FHIP1A: variants seen among roughly 807,000 people sequenced by gnomAD.
FHIP1A encodes FHF complex subunit HOOK interacting protein 1A.
In FHIP1A, 61 loss-of-function variants were observed where a neutral mutation model predicts 88.6. The observed-to-expected ratio is 0.69, with a 90% CI of 0.56 to 0.85. FHIP1A has a LOEUF of 0.85. Among genes scored for constraint, FHIP1A ranks in the 40% least tolerant of loss-of-function variants. The probability of loss-of-function intolerance (pLI) is 0.00; values close to 1 mark genes in which losing one functional copy is unlikely to be tolerated. For synonymous variants in FHIP1A, 478 were observed against 496.0 expected (o/e 0.96, Z 0.48); for missense variants, 1,154 against 1,273.5 (o/e 0.91, Z 1.43).
chr4:151,460,456 A>C (rs1261821040), intron 2 of FHIP1A, among the ~76,000 whole-genome samples: 4 of 152,062 alleles, frequency 2.6e-5, no homozygotes, highest in African/African-American at 9.7e-5. Context: ...CCTTTTCCTG[A>C]GTCTTAATTT....
intron 3 of FHIP1A, among the ~76,000 whole-genome samples, chr4:151,550,658 TAAAAA>T (rs1274537875): frequency 6.6e-6 from 1 of 152,272 alleles, no homozygotes; most frequent in Non-Finnish European, 1.5e-5. Context: ...TTTCTGAATT[TAAAAA>T]ACTAATATTT....
intron 3 of FHIP1A, among the ~76,000 whole-genome samples, chr4:151,518,444 A>T (rs1019795580): frequency 6.6e-6 from 1 of 152,168 alleles, no homozygotes; most frequent in Non-Finnish European, 1.5e-5. Context: ...ACAACATATG[A>T]CTATATGTTT....
chr4:151,518,494 A>G (rs973260525), intron 3 of FHIP1A, among the ~76,000 whole-genome samples: 1 of 152,192 alleles, frequency 6.6e-6, no homozygotes, highest in East Asian at 1.9e-4. Context: ...TTCTCATACT[A>G]TGGTTTTCAA....
intron 4 of FHIP1A, among the ~76,000 whole-genome samples, chr4:151,574,911 A>T (rs1232711681): frequency 6.6e-6 from 1 of 150,640 alleles, no homozygotes; most frequent in Non-Finnish European, 1.5e-5. Context: ...AGTCAATAGT[A>T]TTTTTTTTTT....
intron 1 of FHIP1A, among the ~76,000 whole-genome samples, chr4:151,415,936 A>C (rs1401739152): frequency 5.4e-5 from 8 of 148,032 alleles, no homozygotes; most frequent in Non-Finnish European, 1.0e-4. Flanking sequence ...GCTTTTATGG[A>C]GCATAGTGTT....
intron 2 of FHIP1A, among the ~76,000 whole-genome samples, chr4:151,460,911 A>G (rs141485079): frequency 6.6e-6 from 1 of 152,304 alleles, no homozygotes; most frequent in East Asian, 1.9e-4. Flanking sequence ...TAGGGCTTAA[A>G]TTGTGTGGTT....
chr4:151,526,496 C>G (rs1237982488), intron 3 of FHIP1A, among the ~76,000 whole-genome samples: 6 of 146,036 alleles, frequency 4.1e-5, no homozygotes, highest in Non-Finnish European at 7.5e-5. Flanking sequence ...CTGACCCCCC[C>G]ACCTCCCTCC....
chr4:151,415,869 T>C (rs774362502), intron 1 of FHIP1A, among the ~76,000 whole-genome samples: 4 of 152,160 alleles, frequency 2.6e-5, no homozygotes, highest in Non-Finnish European at 5.9e-5. Context: ...CAAGAGAAGA[T>C]AGTAATTGGT....
At chr4:151,474,672 C>T (rs541463049) in intron 2 of FHIP1A, among the ~76,000 whole-genome samples, 2 of 152,204 alleles carry the variant, frequency 1.3e-5, no homozygotes, top group African/African-American at 4.8e-5. Flanking sequence ...ATGGTACTTT[C>T]AGTATGTGTG....
chr4:151,495,870 G>A (rs750937694), intron 3 of FHIP1A, among the ~76,000 whole-genome samples: 2 of 151,946 alleles, frequency 1.3e-5, no homozygotes, highest in South Asian at 2.1e-4. Flanking sequence ...TGATCCTCCC[G>A]CATTGGCCAC....
At chr4:151,513,064 T>G (rs1258404110) in intron 3 of FHIP1A, among the ~76,000 whole-genome samples, 1 of 152,138 alleles carries the variant, frequency 6.6e-6, no homozygotes, top group Non-Finnish European at 1.5e-5. Context: ...AAGGTCAGGT[T>G]ACCCTCAAAG....
At chr4:151,582,214 C>G (rs1049377631) in intron 5 of FHIP1A, among the ~76,000 whole-genome samples, 5 of 152,000 alleles carry the variant, frequency 3.3e-5, no homozygotes, top group Non-Finnish European at 7.4e-5. Flanking sequence ...TCAAATAGTC[C>G]CTACCAGGTG....
chr4:151,622,685 CA>C lies in FHIP1A; in HGVS notation c.979-7015del, dbSNP rs545050535. On this transcript the variant is annotated intron_variant, in intron 7 of 13. Transcript: ENST00000435205. The stretch of plus-strand genomic sequence containing the variant: ...TTTTTATTGTTTCTTAAATTGTAAC[CA>C]AGAAGTTTGAATCAAAAAAGGACTC... Among the ~76,000 whole-genome samples, 31 of 152,056 alleles carry C rather than the reference CA, an allele frequency of 2.0e-4. No individual in the cohort carries two copies. The South Asian group carries it at 6.5e-3, about 32-fold the overall frequency.
chr4:151,419,695 G>T lies in FHIP1A; in HGVS notation c.-356+10230G>T, dbSNP rs1239891141. Among the ~76,000 whole-genome samples the T allele has an allele frequency of 2.6e-4, 6 of 22,902 alleles. 1 individual carries two copies. The highest frequency in any genetic ancestry group is 1.2e-3 in the African/African-American group (6 of 5,124). 15.0% of individuals were successfully genotyped at this position (22,902 alleles called of 152,430 possible). Reference sequence around the variant, plus strand: ...ATGCTGGTGCGCTGCACCCACTAATGTGTCATCTAGCATTAGGTATATCTC... The same window carrying T: ...ATGCTGGTGCGCTGCACCCACTAATTTGTCATCTAGCATTAGGTATATCTC... On this transcript the variant is annotated intron_variant, in intron 1 of 13. Transcript: ENST00000435205.
chr4:151,638,350 T>TGAGA (rs1209841696), intron 8 of FHIP1A, among the ~76,000 whole-genome samples: 2 of 150,084 alleles, frequency 1.3e-5, no homozygotes, highest in African/African-American at 4.9e-5. Context: ...TGTGTGTATG[T>TGAGA]GAGAGAGAGA....
At chr4:151,554,329 A>G (rs1460401683) in intron 3 of FHIP1A, among the ~76,000 whole-genome samples, 3 of 152,110 alleles carry the variant, frequency 2.0e-5, no homozygotes, top group Non-Finnish European at 4.4e-5. Flanking sequence ...CTGGGACTAG[A>G]TTTTATTCAC....
Position 151,578,169 on chromosome 4 carries a change from C to A in FHIP1A, c.732+93C>A, listed in dbSNP as rs951674192. 8 of 1,193,656 alleles carry A rather than the reference C, an allele frequency of 6.7e-6. No individual in the cohort carries two copies. The highest frequency in any genetic ancestry group is 9.2e-6 in the Non-Finnish European group (8 of 868,630). The allele number at this position is 1,193,656 out of a possible 1,614,324, so 73.9% of individuals were successfully genotyped here. ...ACTTTCTTACTCCCTTTTTTTCTCC[C>A]AGTAAGTTGTACTTGGCACTTCCTA... On this transcript the variant is annotated intron_variant, in intron 5 of 13. Coordinates refer to ENST00000435205, the MANE Select transcript of FHIP1A (RefSeq NM_001109977.3).
chr4:151,568,523 A>G (rs1733475476), intron 4 of FHIP1A, among the ~76,000 whole-genome samples: 1 of 152,182 alleles, frequency 6.6e-6, no homozygotes, highest in Non-Finnish European at 1.5e-5. Context: ...GAAGAAATCT[A>G]TGTGAATGTA....
chr4:151,467,041 C>G (rs1192000548), intron 2 of FHIP1A, among the ~76,000 whole-genome samples: 2 of 152,134 alleles, frequency 1.3e-5, no homozygotes, highest in Non-Finnish European at 2.9e-5. Flanking sequence ...AGTGAGCAGG[C>G]AACCTACAGA....
Sources: gnomAD v4.1 joint callset for allele counts (sites outside exome capture counted in the v4.1 genomes callset) on GRCh38, gnomAD v4.1.1 for gene constraint, MANE v1.5 for transcripts, NCBI Gene and HGNC (gene_info 2026-07-23, HGNC 2026-07-21) for gene names.